The following FOXP1 variants were observed in gnomAD, a reference collection of about 807,000 sequenced individuals.
FOXP1 encodes the protein forkhead box P1, also known as forkhead box protein P1.
Under a neutral mutation model 98.2 loss-of-function variants are expected in FOXP1, and 15 were observed. That is an observed-to-expected ratio of 0.15 (90% CI 0.10 to 0.24). The LOEUF is 0.24. Among genes scored for constraint, FOXP1 ranks in the 10% least tolerant of loss-of-function variants. The pLI is 1.00. For synonymous variants in FOXP1, 371 were observed against 314.5 expected (o/e 1.18, Z -1.90); for missense variants, 633 against 848.5 (o/e 0.75, Z 3.15).
At chr3:71,380,416 G>C (rs1005629656) in intron 3 of FOXP1, among the ~76,000 whole-genome samples, 9 of 152,192 alleles carry the variant, frequency 5.9e-5, no homozygotes, top group Admixed American at 3.9e-4. Flanking sequence ...CAACAGCAAA[G>C]GCCAAGAGGC....
chr3:71,472,099 T>C (rs1560532635), intron 3 of FOXP1, among the ~76,000 whole-genome samples: 1 of 152,232 alleles, frequency 6.6e-6, no homozygotes, highest in African/African-American at 2.4e-5. Flanking sequence ...CATTATGTTT[T>C]GTGTGCTTCA....
chr3:71,157,329 G>C (rs1441575924), intron 6 of FOXP1, among the ~76,000 whole-genome samples: 1 of 152,190 alleles, frequency 6.6e-6, no homozygotes. Context: ...AATTTGGAAT[G>C]CCTTTTTAAA....
chr3:71,369,561 AT>A (rs1008285642), intron 3 of FOXP1, among the ~76,000 whole-genome samples: 1 of 151,934 alleles, frequency 6.6e-6, no homozygotes. Context: ...TGCCCAGCTA[AT>A]TTTGGTATTT....
intron 5 of FOXP1, among the ~76,000 whole-genome samples, chr3:71,242,345 A>G (rs756873558): frequency 8.5e-5 from 13 of 152,314 alleles, no homozygotes; most frequent in Non-Finnish European, 1.8e-4. Context: ...TGATGCCCTG[A>G]TAACATATTA....
rs769331988 is a variant in FOXP1 at position 70,970,747 on chromosome 3, C to T, written c.1711G>A (p.Ala571Thr). The T allele has an allele frequency of 4.3e-6, 7 of 1,613,500 alleles. No individual in the cohort carries two copies. Among genetic ancestry groups the T allele is most frequent in the African/African-American group, 1.3e-5 (1 of 74,902 alleles). Residue 571 changes from alanine to threonine, a missense_variant, in exon 19 of 21, where the codon GCA becomes ACA. By Grantham distance (58) the Ala-to-Thr change is moderately conservative (BLOSUM62 0). Coordinates refer to ENST00000649528, the MANE Select transcript of FOXP1 (RefSeq NM_001349338.3). ...GCCGTTAATCTTACCTGTAAAGCTGCATTGAGAGGTGTGCAGTAGGCGTGG... is the reference window on the plus strand; with the variant it reads ...GCCGTTAATCTTACCTGTAAAGCTGTATTGAGAGGTGTGCAGTAGGCGTGG... ...SSHAYCTPLN[A>T]ALQASMAENS...
chr3:71,222,220 G>A (rs746175057), intron 5 of FOXP1, among the ~76,000 whole-genome samples: 110 of 152,122 alleles, frequency 7.2e-4, no homozygotes, highest in Non-Finnish European at 1.3e-3. Flanking sequence ...GGGCTGGGGC[G>A]GAACCCTGGA....
intron 3 of FOXP1, among the ~76,000 whole-genome samples, chr3:71,434,665 T>TGTGTGTG (rs1553883022): frequency 1.3e-5 from 2 of 149,430 alleles, no homozygotes; most frequent in Non-Finnish European, 3.0e-5. Flanking sequence ...TGTGTGTGTG[T>TGTGTGTG]AAGGAAGGGG....
intron 5 of FOXP1, among the ~76,000 whole-genome samples, chr3:71,265,251 T>C (rs970114582): frequency 3.3e-5 from 5 of 152,198 alleles, no homozygotes; most frequent in Non-Finnish European, 7.3e-5. Flanking sequence ...CGTGTTAGCG[T>C]TGTTCTAGGC....
chr3:71,261,871 A>C (rs2069171765), intron 5 of FOXP1, among the ~76,000 whole-genome samples: 1 of 152,196 alleles, frequency 6.6e-6, no homozygotes, highest in African/African-American at 2.4e-5. Flanking sequence ...AAGAGGGTAC[A>C]CAAGTTACTT....
At chr3:71,491,268 G>A (rs548590759) in intron 3 of FOXP1, among the ~76,000 whole-genome samples, 4 of 152,208 alleles carry the variant, frequency 2.6e-5, no homozygotes, top group East Asian at 1.9e-4. Flanking sequence ...TACCCACCTC[G>A]GCCTCCCAAA....
Position 71,197,063 on chromosome 3 carries a change from T to C in FOXP1, c.180+1139A>G, listed in dbSNP as rs138333551. ...TAAAAAACTCTTCGCAAGGAGAAAA[T>C]AAAACATGCTTTATAGCTTGTCTCC... On this transcript the variant is annotated intron_variant, in intron 6 of 20. Transcript: ENST00000649528. Among the ~76,000 whole-genome samples, 640 of 152,262 alleles carry C rather than the reference T, an allele frequency of 4.2e-3. 4 individuals carry two copies. The highest frequency in any genetic ancestry group is 6.1e-3 in the Non-Finnish European group (414 of 68,020).
intron 7 of FOXP1, among the ~76,000 whole-genome samples, chr3:71,108,277 T>A (rs1205748075): frequency 6.6e-6 from 1 of 152,176 alleles, no homozygotes. Context: ...CTAAAATGCT[T>A]AAAGAACCAA....
chr3:71,128,529 T>A (rs2059372735), intron 6 of FOXP1, among the ~76,000 whole-genome samples: 1 of 152,164 alleles, frequency 6.6e-6, no homozygotes, highest in Admixed American at 6.5e-5. Context: ...AGGGGCAAAA[T>A]GTTGGCCTCT....
intron 10 of FOXP1, among the ~76,000 whole-genome samples, chr3:71,046,140 C>T (rs2049008519): frequency 6.6e-6 from 1 of 152,112 alleles, no homozygotes; most frequent in African/African-American, 2.4e-5. Context: ...CTTTCTAGTT[C>T]TGAATAATCC....
At chr3:71,262,133 G>T (rs2069201448) in intron 5 of FOXP1, among the ~76,000 whole-genome samples, 1 of 151,556 alleles carries the variant, frequency 6.6e-6, no homozygotes, top group Non-Finnish European at 1.5e-5. Flanking sequence ...GGGCATGGTG[G>T]CACGCACCTG....
chr3:71,567,209 C>CAACTTCAGGTAACAGAAACA, intron 2 of FOXP1, among the ~76,000 whole-genome samples: 1 of 151,870 alleles, frequency 6.6e-6, no homozygotes, highest in Non-Finnish European at 1.5e-5. Flanking sequence ...CCATAAAACA[C>CAACTTCAGGTAACAGAAACA]AACTTCAGGT....
chr3:71,410,336 G>C (rs1179911044), intron 3 of FOXP1, among the ~76,000 whole-genome samples: 1 of 152,084 alleles, frequency 6.6e-6, no homozygotes, highest in East Asian at 1.9e-4. Context: ...TTTTTTTTAA[G>C]TTAAAAAGTC....
At chr3:71,510,599 T>C (rs954596448) in intron 2 of FOXP1, among the ~76,000 whole-genome samples, 6 of 152,200 alleles carry the variant, frequency 3.9e-5, no homozygotes, top group African/African-American at 7.2e-5. Context: ...TAGACACTTA[T>C]GTGTAGTGTC....
At chr3:71,013,291 G>A (rs749895214) in intron 12 of FOXP1, among the ~76,000 whole-genome samples, 2 of 152,154 alleles carry the variant, frequency 1.3e-5, no homozygotes, top group East Asian at 3.8e-4. Flanking sequence ...CTCGCCATCT[G>A]CTTTCTACAT....
Sources: allele counts gnomAD v4.1 joint callset (sites outside exome capture counted in the v4.1 genomes callset), GRCh38; gene constraint gnomAD v4.1.1; transcripts MANE v1.5; gene names NCBI Gene and HGNC (gene_info 2026-07-23, HGNC 2026-07-21).